The following PGAP4 variants were observed in gnomAD, a reference collection of about 807,000 sequenced individuals.
PGAP4 encodes the protein GPI-N-acetylgalactosamine transferase PGAP4.
A neutral mutation model predicts 28.2 loss-of-function variants in PGAP4; 12 were observed. The observed-to-expected ratio is 0.42, with a 90% CI of 0.27 to 0.69. PGAP4 has a LOEUF of 0.69. PGAP4 is among the 30% of genes least tolerant of loss of function. The probability of loss-of-function intolerance (pLI) is 0.22; values close to 1 mark genes in which losing one functional copy is unlikely to be tolerated. For synonymous variants in PGAP4, 205 were observed against 211.8 expected, an observed-to-expected ratio of 0.97 and a Z score of 0.28; for missense variants, 425 against 513.5, an observed-to-expected ratio of 0.83 and a Z score of 1.67.
At chr9:101,494,876 C>A (rs1213232812) in intron 2 of PGAP4, among the ~76,000 whole-genome samples, 1 of 151,070 alleles carries the variant, frequency 6.6e-6, no homozygotes, top group East Asian at 1.9e-4. Context: ...ACACCAGGAC[C>A]ATTAGACTTT....
chr9:101,480,347 G>T (rs906981160), intron 1 of PGAP4, among the ~76,000 whole-genome samples: 1 of 147,164 alleles, frequency 6.8e-6, no homozygotes, highest in African/African-American at 2.5e-5. Flanking sequence ...AGATAGAACT[G>T]TTTTTTGTTG....
chr9:101,532,361 A>G (rs1400075468), intron 1 of PGAP4, among the ~76,000 whole-genome samples: 4 of 152,196 alleles, frequency 2.6e-5, no homozygotes, highest in Non-Finnish European at 5.9e-5. Context: ...TTGCAAGATC[A>G]TCAACATTTT....
At chr9:101,508,704 T>C (rs563053812) in intron 2 of PGAP4, among the ~76,000 whole-genome samples, 18 of 152,312 alleles carry the variant, frequency 1.2e-4, no homozygotes, top group African/African-American at 4.3e-4. Context: ...TTACATTTAT[T>C]GTGCACTTTA....
chr9:101,481,696 T>A (rs1259055282), intron 1 of PGAP4, among the ~76,000 whole-genome samples: 3 of 152,154 alleles, frequency 2.0e-5, no homozygotes, highest in South Asian at 2.1e-4. Flanking sequence ...TTCTGAAAAT[T>A]AAACTAAAGG....
rs1184671462 is a variant in PGAP4 at position 101,486,220 on chromosome 9, A to T, written c.-78+729T>A. Among the ~76,000 whole-genome samples the T allele has an allele frequency of 6.6e-6, 1 of 152,132 alleles. No homozygotes were observed. The highest frequency in any genetic ancestry group is 1.5e-5 in the Non-Finnish European group (1 of 68,016). Reference sequence around the variant, plus strand: ...CCTCTTGGAAAAAGAATGGGGGACGATGTCCAGGGCCCTGGATCTAGTGTC... The same window carrying T: ...CCTCTTGGAAAAAGAATGGGGGACGTTGTCCAGGGCCCTGGATCTAGTGTC... On this transcript the variant is annotated intron_variant, in intron 1 of 1. Coordinates refer to ENST00000374848, the MANE Select transcript of PGAP4 (RefSeq NM_032342.3). The surrounding 1 kb of genome is among the most constrained non-coding windows in gnomAD (Gnocchi z 4.7).
chr9:101,494,260 A>G (rs1189274938), intron 2 of PGAP4, among the ~76,000 whole-genome samples: 2 of 151,958 alleles, frequency 1.3e-5, no homozygotes, highest in Admixed American at 6.6e-5. Flanking sequence ...GTTTATAAAG[A>G]GAGAGCAGAT....
At chr9:101,498,857 A>G (rs945495340) in intron 2 of PGAP4, among the ~76,000 whole-genome samples, 7 of 151,994 alleles carry the variant, frequency 4.6e-5, no homozygotes, top group African/African-American at 1.4e-4. Context: ...TTAATTAGCT[A>G]TCTTGTGTCT....
chr9:101,526,078 A>C (rs1827034109), intron 2 of PGAP4, among the ~76,000 whole-genome samples: 1 of 152,246 alleles, frequency 6.6e-6, no homozygotes, highest in Non-Finnish European at 1.5e-5. Flanking sequence ...AGTTTTCATA[A>C]GAAGAAAAAA....
chr9:101,473,618 A>T lies in PGAP4; in HGVS notation c.*2263T>A, dbSNP rs887552151. 6.6e-6 allele frequency: 1 copy of T among 152,292 alleles called. No individual in the cohort carries two copies. The highest frequency in any genetic ancestry group is 1.5e-5 in the Non-Finnish European group (1 of 68,074). The allele number at this position is 152,292 out of a possible 1,614,324, so 9.4% of individuals were successfully genotyped here. On this transcript the variant is annotated 3_prime_UTR_variant, in exon 2 of 2. Transcript: ENST00000374848. ...AAACTGGACAAGGAAGGATGGCCTT[A>T]GCCTTCCATAATGGAGAAGTCGGGC...
At position 101,486,320 on chromosome 9, in the gene PGAP4, A is replaced by T. The variant is rs1371604717; in HGVS notation, c.-78+629T>A. Among the ~76,000 whole-genome samples the T allele has an allele frequency of 1.3e-5, 2 of 152,136 alleles. No homozygotes were observed. Among genetic ancestry groups the T allele is most frequent in the African/African-American group, 2.4e-5 (1 of 41,442 alleles). On this transcript the variant is annotated intron_variant, in intron 1 of 1. Transcript: ENST00000374848. The surrounding 1 kb of genome is among the most constrained non-coding windows in gnomAD (Gnocchi z 4.7). ...CCCGTAGGCCGAGCTGACCGTCTCCATCGCTGCGCTCCTTCCCTTCTGCTG... is the reference window on the plus strand; with the variant it reads ...CCCGTAGGCCGAGCTGACCGTCTCCTTCGCTGCGCTCCTTCCCTTCTGCTG...
chr9:101,483,287 T>C (rs1826536935), intron 1 of PGAP4, among the ~76,000 whole-genome samples: 1 of 152,220 alleles, frequency 6.6e-6, no homozygotes, highest in Admixed American at 6.5e-5. Context: ...GAGCTGGTCA[T>C]ATACTGTGTA....
rs561495092 is a variant in PGAP4 at position 101,496,033 on chromosome 9, C to A, written c.-164-6833G>T. 8.0e-4 allele frequency among the ~76,000 whole-genome samples: 121 copies of A among 151,356 alleles called. 1 individual carries two copies. Among genetic ancestry groups the A allele is most frequent in the African/African-American group, 2.6e-3 (107 of 41,430 alleles). ...ATAGAGGAATGTAAACAGGAAAATG[C>A]CTTGAGCAGGGAAATACATTGACTC... On this transcript the variant is annotated intron_variant, in intron 2 of 3. Transcript: ENST00000374851.
At chr9:101,495,725 T>C (rs1379666961) in intron 2 of PGAP4, among the ~76,000 whole-genome samples, 1 of 150,850 alleles carries the variant, frequency 6.6e-6, no homozygotes, top group Non-Finnish European at 1.5e-5. Context: ...TCCATGTAGC[T>C]TTCTTTATTA....
In PGAP4 at chr9:101,476,277, C is replaced by A; in HGVS notation, c.816G>T (p.Leu272=). 6.2e-7 allele frequency: 1 copy of A among 1,614,116 alleles called. No homozygotes were observed. Among genetic ancestry groups the A allele is most frequent in the Non-Finnish European group, 8.5e-7 (1 of 1,180,028 alleles). Residue 272 remains leucine (L), a synonymous_variant, in exon 2 of 2, where the codon CTG becomes CTT. Coordinates refer to ENST00000374848, the MANE Select transcript of PGAP4 (RefSeq NM_032342.3). This position sits in a 1 kb window ranked among gnomAD's most constrained non-coding sequence, Gnocchi z 7.0. ...TGTATATCCAGGTTAGTAAGGGCCC[C>A]AGCAACATGCCTACACCAACCCATT... is the stretch of plus-strand genomic sequence containing the variant. ...ILEWVGVGML[L]GPLLTWIYMR...
rs1472744683 is a variant in PGAP4, at chr9:101,473,581, G to T, written c.*2300C>A. 1 of 152,294 alleles carries T rather than the reference G, an allele frequency of 6.6e-6. No individual in the cohort carries two copies. Among genetic ancestry groups the T allele is most frequent in the African/African-American group, 2.4e-5 (1 of 41,464 alleles). 9.4% of individuals were successfully genotyped at this position (152,294 alleles called of 1,614,324 possible). Reference sequence around the variant, plus strand: ...CTCCATGGGGAAAAGGCATGTTAGTGTGTAGGTAGAGAAACTGGACAAGGA... The same window carrying T: ...CTCCATGGGGAAAAGGCATGTTAGTTTGTAGGTAGAGAAACTGGACAAGGA... On this transcript the variant is annotated 3_prime_UTR_variant, in exon 2 of 2. Transcript: ENST00000374848.
At chr9:101,522,711 A>G (rs1043500463) in intron 2 of PGAP4, among the ~76,000 whole-genome samples, 3 of 152,134 alleles carry the variant, frequency 2.0e-5, no homozygotes, top group Admixed American at 6.6e-5. Context: ...CTTACATTCA[A>G]TGTTAGTATT....
intron 2 of PGAP4, among the ~76,000 whole-genome samples, chr9:101,516,923 G>A (rs1037467947): frequency 4.6e-5 from 7 of 152,240 alleles, no homozygotes; most frequent in African/African-American, 1.7e-4. Context: ...GTGACTGATC[G>A]CCAACAGACT....
intron 2 of PGAP4, among the ~76,000 whole-genome samples, chr9:101,520,145 G>A (rs184202683): frequency 4.6e-5 from 7 of 152,292 alleles, no homozygotes. Flanking sequence ...CAGGTAGTGT[G>A]ATGCCTCCAG....
At chr9:101,479,459 T>A (rs2118516744) in intron 1 of PGAP4, among the ~76,000 whole-genome samples, 1 of 152,320 alleles carries the variant, frequency 6.6e-6, no homozygotes. Flanking sequence ...GTAAAGGCTA[T>A]CACTTACTAT....
Sources: allele counts gnomAD v4.1 joint callset (sites outside exome capture counted in the v4.1 genomes callset), GRCh38; gene constraint gnomAD v4.1.1; non-coding constraint Gnocchi (gnomAD v3.1); transcripts MANE v1.5; gene names NCBI Gene and HGNC (gene_info 2026-07-23, HGNC 2026-07-21).